The following FSHR variants were observed in gnomAD, a reference collection of about 807,000 sequenced individuals.
FSHR encodes the protein follicle stimulating hormone receptor.
FSHR carries 46 observed loss-of-function variants against 52.1 expected under a neutral mutation model. The ratio of observed to expected loss-of-function variants is 0.88; its 90% CI spans 0.70 to 1.13. FSHR has a LOEUF of 1.13. FSHR is among the 50% of genes most tolerant of loss of function. The probability of loss-of-function intolerance (pLI) is 0.00; values close to 1 mark genes in which losing one functional copy is unlikely to be tolerated. For synonymous variants in FSHR, 399 were observed against 309.6 expected (o/e 1.29, Z -3.03); for missense variants, 964 against 834.6 (o/e 1.16, Z -1.91).
intron 2 of FSHR, among the ~76,000 whole-genome samples, chr2:49,026,459 T>G (rs1229761665): frequency 6.6e-6 from 1 of 152,168 alleles, no homozygotes; most frequent in Admixed American, 6.5e-5. Context: ...GTGCCATCCT[T>G]AGCCCCTTTT....
At chr2:49,064,739 T>C (rs1354669665) in intron 2 of FSHR, among the ~76,000 whole-genome samples, 1 of 152,164 alleles carries the variant, frequency 6.6e-6, no homozygotes, top group Non-Finnish European at 1.5e-5. Context: ...TTCTACATTG[T>C]GATCTTGGCT....
intron 2 of FSHR, among the ~76,000 whole-genome samples, chr2:49,065,213 A>C (rs899166649): frequency 1.3e-5 from 2 of 152,098 alleles, no homozygotes; most frequent in African/African-American, 4.8e-5. Flanking sequence ...CTTATGACTT[A>C]AGTCTGCAGC....
At chr2:49,033,413 C>CTTTCTTTCTTTCT (rs1668170627) in intron 2 of FSHR, among the ~76,000 whole-genome samples, 1 of 152,152 alleles carries the variant, frequency 6.6e-6, no homozygotes, top group Non-Finnish European at 1.5e-5. Context: ...GTTTTTCTTT[C>CTTTCTTTCTTTCT]TTCTAGCACC....
intron 1 of FSHR, among the ~76,000 whole-genome samples, chr2:49,095,975 G>C (rs1670809899): frequency 6.6e-6 from 1 of 152,166 alleles, no homozygotes; most frequent in Non-Finnish European, 1.5e-5. Context: ...ATTAAGTGTT[G>C]ATGAGGATGA....
At chr2:49,122,200 A>C (rs1319700058) in intron 1 of FSHR, among the ~76,000 whole-genome samples, 5 of 152,142 alleles carry the variant, frequency 3.3e-5, no homozygotes, top group Non-Finnish European at 7.3e-5. Flanking sequence ...TTTCCTTTGT[A>C]CTTTCATGAT....
In FSHR at chr2:48,968,531, T is replaced by G. The variant is rs574730882; in HGVS notation, c.854+167A>C. 4.0e-5 allele frequency among the ~76,000 whole-genome samples: 6 copies of G among 150,952 alleles called. No homozygotes were observed. In the South Asian group the frequency reaches 1.2e-3, roughly 31 times the overall value. ...TTTCAAAGAAATGAAAGAGTTCAAC[T>G]ATTCCTCACTCTCCATGAACTGAAT... On this transcript the variant is annotated intron_variant, in intron 9 of 9. Coordinates refer to ENST00000406846, the MANE Select transcript of FSHR (RefSeq NM_000145.4).
chr2:48,968,709 C>T lies in FSHR; in HGVS notation c.843G>A (p.Trp281Ter), dbSNP rs780268397. ...YPSHCCAFAN[W>*]RRQISELHPI... The stretch of plus-strand genomic sequence containing the variant: ...AAGGATGGACTCACATTTGCCGTCT[C>T]CAGTTTGCAAAGGCACAGCAATGGC... Residue 281 changes from tryptophan (W) to a stop codon, truncating the protein, a stop_gained, in exon 9 of 10, where the codon TGG becomes TGA. Transcript: ENST00000406846. LOFTEE classifies it high-confidence loss of function. 7 of 1,614,006 alleles carry T rather than the reference C, an allele frequency of 4.3e-6. No individual in the cohort carries two copies. The highest frequency in any genetic ancestry group is 5.9e-6 in the Non-Finnish European group (7 of 1,179,996).
intron 2 of FSHR, among the ~76,000 whole-genome samples, chr2:49,038,061 T>C (rs560470095): frequency 2.7e-4 from 41 of 152,150 alleles, no homozygotes; most frequent in Non-Finnish European, 3.4e-4. Flanking sequence ...ACAAGAGATA[T>C]CAAAAGATAA....
intron 2 of FSHR, among the ~76,000 whole-genome samples, chr2:49,050,248 C>A (rs886910487): frequency 6.6e-6 from 1 of 152,136 alleles, no homozygotes; most frequent in Non-Finnish European, 1.5e-5. Context: ...TGCAACTTAA[C>A]AGCAAGCTCA....
chr2:49,050,985 T>G (rs900172455), intron 2 of FSHR, among the ~76,000 whole-genome samples: 1 of 152,182 alleles, frequency 6.6e-6, no homozygotes. Context: ...TAGAATCATA[T>G]GGTATACCTT....
intron 4 of FSHR, among the ~76,000 whole-genome samples, chr2:49,006,768 G>C (rs996144882): frequency 2.6e-5 from 4 of 152,104 alleles, no homozygotes; most frequent in African/African-American, 9.7e-5. Context: ...AAAGGACTGA[G>C]CTCCTTGAAG....
intron 2 of FSHR, among the ~76,000 whole-genome samples, chr2:49,059,174 C>T (rs1026776854): frequency 6.6e-6 from 1 of 152,020 alleles, no homozygotes; most frequent in Non-Finnish European, 1.5e-5. Flanking sequence ...CATGATCACA[C>T]TCCTGCCTGA....
intron 2 of FSHR, among the ~76,000 whole-genome samples, chr2:49,046,201 G>T (rs891613267): frequency 1.8e-4 from 27 of 152,178 alleles, no homozygotes; most frequent in African/African-American, 6.5e-4. Flanking sequence ...AAATAGGATA[G>T]CCACATGAAG....
intron 6 of FSHR, among the ~76,000 whole-genome samples, chr2:48,987,869 CA>C (rs1203170144): frequency 7.9e-5 from 12 of 151,522 alleles, no homozygotes; most frequent in Middle Eastern, 3.4e-3. Context: ...CACACACACA[CA>C]CCCCTTCACT....
At chr2:49,053,513 G>A (rs181259208) in intron 2 of FSHR, among the ~76,000 whole-genome samples, 2 of 152,274 alleles carry the variant, frequency 1.3e-5, no homozygotes, top group African/African-American at 2.4e-5. Flanking sequence ...ACAGTTTACA[G>A]TGCACTTTGC....
intron 2 of FSHR, among the ~76,000 whole-genome samples, chr2:49,032,548 G>C (rs1209179722): frequency 6.6e-6 from 1 of 152,204 alleles, no homozygotes; most frequent in Non-Finnish European, 1.5e-5. Context: ...GGAGTACATA[G>C]TGACAAGAGA....
intron 1 of FSHR, among the ~76,000 whole-genome samples, chr2:49,108,094 G>A (rs72822042): frequency 0.043 from 6,482 of 152,178 alleles, 415 homozygotes; most frequent in East Asian, 0.22. Flanking sequence ...CTAATCTGTC[G>A]AGGTCCTGAA....
intron 1 of FSHR, among the ~76,000 whole-genome samples, chr2:49,085,184 G>A (rs1312029841): frequency 3.3e-5 from 5 of 152,118 alleles, no homozygotes; most frequent in African/African-American, 7.2e-5. Flanking sequence ...TGCAAGGCTG[G>A]TTCAATATAT....
rs1319650219 is a variant in FSHR, at chr2:49,061,594, C to G, written c.224+6625G>C. On this transcript the variant is annotated intron_variant, in intron 2 of 9. Transcript: ENST00000406846. ...CATATTTAGATATATATCTATATAT[C>G]TAAATGTATATATATTTAGATATAT... Among the ~76,000 whole-genome samples the G allele has an allele frequency of 2.3e-5, 3 of 130,586 alleles. No homozygotes were observed. The South Asian group carries it at 7.3e-4, about 32-fold the overall frequency. The allele number at this position is 130,586 out of a possible 152,430, so 85.7% of individuals were successfully genotyped here.
Sources: allele counts gnomAD v4.1 joint callset (sites outside exome capture counted in the v4.1 genomes callset), GRCh38; gene constraint gnomAD v4.1.1; transcripts MANE v1.5; gene names NCBI Gene and HGNC (gene_info 2026-07-23, HGNC 2026-07-21).